Variants in CEP192 observed in about 807,000 individuals in gnomAD.
CEP192 encodes centrosomal protein of 192 kDa.
Under a neutral mutation model 271.8 loss-of-function variants are expected in CEP192, and 151 were observed. The ratio of observed to expected loss-of-function variants is 0.56; its 90% confidence interval spans 0.49 to 0.64. CEP192 has a LOEUF of 0.64. Among genes scored for constraint, CEP192 ranks in the 30% least tolerant of loss-of-function variants. CEP192 has a pLI of 0.00. For missense variants in CEP192, 2,910 were observed against 3,020.5 expected, an observed-to-expected ratio of 0.96 and a Z score of 0.86; for synonymous variants, 995 against 1,076.5, an observed-to-expected ratio of 0.92 and a Z score of 1.48.
At chr18:13,034,812 C>G (rs1012421150) in intron 11 of CEP192, among the ~76,000 whole-genome samples, 1 of 131,428 alleles carries the variant, frequency 7.6e-6, no homozygotes, top group South Asian at 2.3e-4. Flanking sequence ...GAGCAAAACT[C>G]TGTCTCATAA....
intron 9 of CEP192, among the ~76,000 whole-genome samples, chr18:13,024,935 A>G (rs540404199): frequency 1.5e-4 from 23 of 150,344 alleles, no homozygotes; most frequent in African/African-American, 5.6e-4. Context: ...CCACCTGGCT[A>G]ATTTTTTTGT....
chr18:13,023,531 G>T (rs2143330494), intron 9 of CEP192, among the ~76,000 whole-genome samples: 1 of 149,842 alleles, frequency 6.7e-6, no homozygotes, highest in East Asian at 2.0e-4. Context: ...TTTTTTTGTA[G>T]TCTGTAAATT....
intron 30 of CEP192, among the ~76,000 whole-genome samples, chr18:13,076,664 G>C (rs114405491): frequency 0.036 from 5,503 of 152,170 alleles, 316 homozygotes; most frequent in African/African-American, 0.12. Context: ...AAATTTACTC[G>C]TACGTTTCTA....
At position 13,124,957 on chromosome 18, in the gene CEP192, A is replaced by G; in HGVS notation, c.*187A>G. On this transcript the variant is annotated 3_prime_UTR_variant, in exon 45 of 45. Coordinates refer to ENST00000506447, the MANE Select transcript of CEP192 (RefSeq NM_032142.4). ...TTATGTATCTAGCCCATAGTATTGT[A>G]CTTAACTTTTACAGGTGAGAAGAGA... 3 of 469,136 alleles carry G rather than the reference A, an allele frequency of 6.4e-6. No individual in the cohort carries two copies. In the South Asian group the frequency reaches 1.1e-4, roughly 17 times the overall value. The allele number at this position is 469,136 out of a possible 1,614,324, so 29.1% of individuals were successfully genotyped here. A position where few individuals can be genotyped will look rare whatever the true frequency, so the allele number is the denominator to read the frequency against.
intron 11 of CEP192, among the ~76,000 whole-genome samples, chr18:13,033,054 G>A (rs11660908): frequency 0.13 from 20,539 of 152,204 alleles, 1,535 homozygotes; most frequent in East Asian, 0.31. Context: ...GGTACTGGCA[G>A]TATTATGCTT....
intron 18 of CEP192, among the ~76,000 whole-genome samples, chr18:13,055,239 A>G (rs1017127834): frequency 4.0e-5 from 6 of 151,232 alleles, no homozygotes; most frequent in Non-Finnish European, 7.4e-5. Flanking sequence ...AGATTGCGCC[A>G]TTGCACTCCA....
At chr18:13,022,188 G>A (rs1029097055) in intron 9 of CEP192, among the ~76,000 whole-genome samples, 1 of 151,522 alleles carries the variant, frequency 6.6e-6, no homozygotes, top group Admixed American at 6.6e-5. Flanking sequence ...CTATATTTAT[G>A]TGGGTCAGTT....
At chr18:13,003,864 A>G (rs975673459) in intron 3 of CEP192, among the ~76,000 whole-genome samples, 2 of 152,106 alleles carry the variant, frequency 1.3e-5, no homozygotes, top group Admixed American at 1.3e-4. Context: ...TGGGAGCAGC[A>G]TGGGCACATT....
intron 9 of CEP192, among the ~76,000 whole-genome samples, chr18:13,021,313 T>C (rs1309504038): frequency 6.6e-6 from 1 of 152,240 alleles, no homozygotes; most frequent in African/African-American, 2.4e-5. Flanking sequence ...AGGGTCTAAC[T>C]AACATCATTC....
At chr18:13,114,342 C>T (rs556688363) in intron 42 of CEP192, 91 bp downstream of exon 42, 2 of 1,371,616 alleles carry the variant, frequency 1.5e-6, no homozygotes, top group Non-Finnish European at 2.0e-6. Flanking sequence ...TACCTGAGTT[C>T]ACATGTGTTA....
chr18:13,048,369 C>T (rs888885818), intron 15 of CEP192, among the ~76,000 whole-genome samples: 8 of 152,128 alleles, frequency 5.3e-5, no homozygotes, highest in Admixed American at 4.6e-4. Flanking sequence ...AGGGATGTTG[C>T]AGTGCTTGTG....
intron 39 of CEP192, among the ~76,000 whole-genome samples, chr18:13,104,242 G>GAGT (rs1335880941): frequency 4.6e-5 from 7 of 152,150 alleles, no homozygotes; most frequent in Admixed American, 2.0e-4. Context: ...CTCATGTTCT[G>GAGT]AGTGCTGTCA....
intron 35 of CEP192, 21 bp downstream of exon 35, chr18:13,095,702 ACCT>A (rs2039363369): frequency 6.2e-7 from 1 of 1,604,784 alleles, no homozygotes; most frequent in African/African-American, 1.3e-5. Flanking sequence ...CAACTGTGAC[ACCT>A]CAGAGGTGTG....
intron 34 of CEP192, among the ~76,000 whole-genome samples, chr18:13,094,802 C>T (rs576144): frequency 0.5 from 75,936 of 152,100 alleles, 21,039 homozygotes; most frequent in African/African-American, 0.76. Flanking sequence ...TACTGTGAAG[C>T]CTCCAATTCT....
At position 13,113,690 on chromosome 18, in the gene CEP192, C is replaced by A; in HGVS notation, c.7152C>A (p.Phe2384Leu). The A allele has an allele frequency of 6.2e-7, 1 of 1,611,930 alleles. No individual in the cohort carries two copies. The highest frequency in any genetic ancestry group is 1.1e-5 in the South Asian group (1 of 90,678). ...KEPHMKHTLR[F>L]QLSGQSIEAE... is the part of the protein sequence containing the mutation. ...CTCACATGAAACACACGTTGAGATT[C>A]CAACTCTCTGGACAAGTGAGTAGTA... Residue 2384 changes from phenylalanine to leucine, a missense_variant, in exon 41 of 45, where the codon TTC becomes TTA. Coordinates refer to ENST00000506447, the MANE Select transcript of CEP192 (RefSeq NM_032142.4).
chr18:13,109,311 C>A (rs1478609750), intron 40 of CEP192, among the ~76,000 whole-genome samples: 1 of 152,198 alleles, frequency 6.6e-6, no homozygotes, highest in East Asian at 1.9e-4. Context: ...CCAAATACCA[C>A]ATTTTCTCAC....
intron 11 of CEP192, among the ~76,000 whole-genome samples, chr18:13,035,261 G>A (rs2035855801): frequency 6.6e-6 from 1 of 152,092 alleles, no homozygotes; most frequent in African/African-American, 2.4e-5. Context: ...TTTCTTTTGG[G>A]TTACCTTCTG....
chr18:13,011,304 TA>T (rs1189607911), intron 4 of CEP192, among the ~76,000 whole-genome samples: 6 of 149,360 alleles, frequency 4.0e-5, no homozygotes, highest in African/African-American at 1.2e-4. Context: ...ACTATAATAA[TA>T]AAAAAAAAGG....
chr18:13,004,610 T>C (rs2033865314), intron 3 of CEP192, among the ~76,000 whole-genome samples: 1 of 152,094 alleles, frequency 6.6e-6, no homozygotes, highest in African/African-American at 2.4e-5. Context: ...GGAAGCATAG[T>C]CATCAAGTCA....
Sources: allele counts gnomAD v4.1 joint callset (sites outside exome capture counted in the v4.1 genomes callset), GRCh38; gene constraint gnomAD v4.1.1; transcripts MANE v1.5; gene names NCBI Gene and HGNC (gene_info 2026-07-23, HGNC 2026-07-21).